Variants in TMEM132C observed in about 807,000 individuals in gnomAD.
The protein encoded by TMEM132C is transmembrane protein 132C.
TMEM132C carries 29 observed loss-of-function variants against 61.4 expected under a neutral mutation model. The ratio of observed to expected loss-of-function variants is 0.47; its 90% CI spans 0.35 to 0.64. TMEM132C has a LOEUF of 0.64. TMEM132C is among the 30% of genes least tolerant of loss of function. TMEM132C has a pLI of 0.00. For synonymous variants in TMEM132C, 656 were observed against 633.1 expected, an observed-to-expected ratio of 1.04 and a Z score of -0.54; for missense variants, 1,408 against 1,476.9, an observed-to-expected ratio of 0.95 and a Z score of 0.76.
At chr12:128,619,335 G>A (rs1020765569) in intron 4 of TMEM132C, among the ~76,000 whole-genome samples, 5 of 152,174 alleles carry the variant, frequency 3.3e-5, no homozygotes, top group Non-Finnish European at 7.3e-5. Context: ...CAAGGAGAGA[G>A]CCACGGATAG....
At chr12:128,623,204 T>C (rs1014397097) in intron 4 of TMEM132C, among the ~76,000 whole-genome samples, 1 of 152,156 alleles carries the variant, frequency 6.6e-6, no homozygotes. Flanking sequence ...ATCATTGCTG[T>C]CTTTAGTAGC....
chr12:128,664,276 TA>T (rs1219220466), intron 4 of TMEM132C, among the ~76,000 whole-genome samples: 1 of 119,714 alleles, frequency 8.4e-6, no homozygotes, highest in East Asian at 2.3e-4. Flanking sequence ...ATTTAAAAGT[TA>T]AAAATATAGT....
chr12:128,398,472 A>C (rs1593039339), intron 1 of TMEM132C, among the ~76,000 whole-genome samples: 1 of 152,364 alleles, frequency 6.6e-6, no homozygotes, highest in South Asian at 2.1e-4. Flanking sequence ...CATGTGTGAG[A>C]CATGTCTCCC....
chr12:128,695,307 G>T (rs1486717519), intron 6 of TMEM132C, among the ~76,000 whole-genome samples: 1 of 152,104 alleles, frequency 6.6e-6, no homozygotes, highest in South Asian at 2.1e-4. Flanking sequence ...ATCACTTGAG[G>T]CCATGAGTTC....
At chr12:128,296,733 T>C (rs1871427331) in intron 1 of TMEM132C, among the ~76,000 whole-genome samples, 1 of 152,174 alleles carries the variant, frequency 6.6e-6, no homozygotes, top group Non-Finnish European at 1.5e-5. Context: ...AGGAAGAAGA[T>C]GGGGCAATAA....
At chr12:128,515,090 T>A (rs951242256) in intron 2 of TMEM132C, among the ~76,000 whole-genome samples, 7 of 152,200 alleles carry the variant, frequency 4.6e-5, no homozygotes, top group African/African-American at 1.4e-4. Context: ...AAGTTCCTGG[T>A]TAAAATCGAA....
rs1371348054 is a variant in TMEM132C, at chr12:128,461,569, C to G, written c.974+45949C>G. 3.3e-5 allele frequency among the ~76,000 whole-genome samples: 5 copies of G among 152,226 alleles called. No individual in the cohort carries two copies. In the East Asian group the frequency reaches 7.7e-4, roughly 24 times the overall value. On this transcript the variant is annotated intron_variant, in intron 2 of 8. Coordinates refer to ENST00000435159, the MANE Select transcript of TMEM132C (RefSeq NM_001136103.3). The stretch of plus-strand genomic sequence containing the variant: ...ATTTCCGGGAGCTCCTTCCTCATGG[C>G]CCAGGACTGCTGTGCACAGTTGTAC...
intron 1 of TMEM132C, among the ~76,000 whole-genome samples, chr12:128,322,303 G>A (rs1219553223): frequency 6.6e-6 from 1 of 152,234 alleles, no homozygotes; most frequent in Admixed American, 6.5e-5. Context: ...GAGTGACTGA[G>A]CTTCTCCATG....
intron 1 of TMEM132C, among the ~76,000 whole-genome samples, chr12:128,312,254 A>G (rs1013628684): frequency 1.3e-5 from 2 of 152,244 alleles, no homozygotes; most frequent in Non-Finnish European, 2.9e-5. Flanking sequence ...TGATGAAATC[A>G]TACTGGATTA....
At chr12:128,546,934 A>T (rs766889318) in intron 3 of TMEM132C, among the ~76,000 whole-genome samples, 1 of 152,212 alleles carries the variant, frequency 6.6e-6, no homozygotes, top group African/African-American at 2.4e-5. Context: ...GGCCTCTGTC[A>T]TGTCCATTCA....
chr12:128,377,777 G>A (rs1196637093), intron 1 of TMEM132C, among the ~76,000 whole-genome samples: 4 of 152,194 alleles, frequency 2.6e-5, no homozygotes, highest in African/African-American at 9.7e-5. Context: ...AAAACACATG[G>A]TGTGATTTGG....
intron 2 of TMEM132C, among the ~76,000 whole-genome samples, chr12:128,461,610 C>G (rs2136070043): frequency 6.6e-6 from 1 of 152,266 alleles, no homozygotes; most frequent in African/African-American, 2.4e-5. Flanking sequence ...GTTCACTGCT[C>G]CAGCAGGCTC....
rs76124267 is a variant in TMEM132C, at chr12:128,532,146, G to C, written c.975-11811G>C. ...TGCACGCATGCTAGCAGCAGGAGAT[G>C]TTCTTTTATGAGATTCATGAACACG... On this transcript the variant is annotated intron_variant, in intron 2 of 8. Transcript: ENST00000435159. 2.6e-4 allele frequency among the ~76,000 whole-genome samples: 39 copies of C among 152,256 alleles called. 1 individual carries two copies. Among genetic ancestry groups the C allele is most frequent in the African/African-American group, 8.9e-4 (37 of 41,542 alleles).
At chr12:128,286,340 C>T (rs1213458183) in intron 1 of TMEM132C, among the ~76,000 whole-genome samples, 1 of 152,158 alleles carries the variant, frequency 6.6e-6, no homozygotes, top group Non-Finnish European at 1.5e-5. Context: ...TCAAATGCCT[C>T]CAGGGCCCCT....
At chr12:128,590,246 G>A (rs1047926456) in intron 3 of TMEM132C, among the ~76,000 whole-genome samples, 1 of 152,160 alleles carries the variant, frequency 6.6e-6, no homozygotes, top group African/African-American at 2.4e-5. Flanking sequence ...TGAGACTCGG[G>A]ATGACAGGAT....
chr12:128,478,332 T>C (rs1188144901), intron 2 of TMEM132C, among the ~76,000 whole-genome samples: 1 of 152,220 alleles, frequency 6.6e-6, no homozygotes, highest in Non-Finnish European at 1.5e-5. Flanking sequence ...CTTATAGTTC[T>C]TAAACAAAAT....
At chr12:128,467,977 C>T (rs1402301236) in intron 2 of TMEM132C, among the ~76,000 whole-genome samples, 1 of 152,186 alleles carries the variant, frequency 6.6e-6, no homozygotes, top group Non-Finnish European at 1.5e-5. Flanking sequence ...CTATGATAAA[C>T]ATGTGCTCTG....
chr12:128,457,991 A>G (rs1444493174), intron 2 of TMEM132C, among the ~76,000 whole-genome samples: 1 of 152,094 alleles, frequency 6.6e-6, no homozygotes, highest in African/African-American at 2.4e-5. Flanking sequence ...AGAAATCCAT[A>G]TATTTAAAAT....
intron 1 of TMEM132C, among the ~76,000 whole-genome samples, chr12:128,411,504 G>T (rs576780940): frequency 6.6e-6 from 1 of 152,218 alleles, no homozygotes; most frequent in East Asian, 1.9e-4. Context: ...TATCTTCAGT[G>T]TGTTCAGTGC....
Sources: gnomAD v4.1 joint callset for allele counts (sites outside exome capture counted in the v4.1 genomes callset) on GRCh38, gnomAD v4.1.1 for gene constraint, MANE v1.5 for transcripts, NCBI Gene and HGNC (gene_info 2026-07-23, HGNC 2026-07-21) for gene names.